SULF1: variants seen among roughly 807,000 people sequenced by gnomAD.
SULF1 encodes sulfatase 1.
A neutral mutation model predicts 110.5 loss-of-function variants in SULF1; 46 were observed. The observed-to-expected ratio is 0.42, with a 90% CI of 0.33 to 0.53. The LOEUF (loss-of-function observed/expected upper bound fraction) is 0.53, where lower values mean the gene tolerates loss of function less well. Among genes scored for constraint, SULF1 ranks in the 20% least tolerant of loss-of-function variants. The pLI is 0.12. For synonymous variants in SULF1, 371 were observed against 387.1 expected (o/e 0.96, Z 0.49); for missense variants, 941 against 1,094.2 (o/e 0.86, Z 1.98).
intron 5 of SULF1, among the ~76,000 whole-genome samples, chr8:69,572,062 C>G (rs1280802309): frequency 6.6e-6 from 1 of 152,222 alleles, no homozygotes; most frequent in Non-Finnish European, 1.5e-5. Context: ...GAGACCATTT[C>G]AGCCTTGAGG....
chr8:69,489,177 T>C (rs1809815576), upstream of SULF1, among the ~76,000 whole-genome samples: 1 of 152,172 alleles, frequency 6.6e-6, no homozygotes, highest in Non-Finnish European at 1.5e-5. Flanking sequence ...TAAACCGACT[T>C]ATATGAGACT....
chr8:69,604,733 A>T, intron 12 of SULF1, 70 bp from the exon 13 acceptor site: 2 of 1,376,486 alleles, frequency 1.5e-6, no homozygotes, highest in Non-Finnish European at 9.8e-7. Flanking sequence ...AAAAAAAAAA[A>T]GGGGGCAGGA....
At position 69,601,807 on chromosome 8, in the gene SULF1, C is replaced by G; in HGVS notation, c.1039C>G (p.Pro347Ala). 6.2e-7 allele frequency: 1 copy of G among 1,611,088 alleles called. No individual in the cohort carries two copies. The highest frequency in any genetic ancestry group is 8.5e-7 in the Non-Finnish European group (1 of 1,178,700). The change falls in exon 10 of 23, where the codon CCA becomes GCA. Residue 347 changes from proline (P) to alanine (A), a missense_variant. By Grantham distance (27) the Pro-to-Ala change is conservative. Coordinates refer to ENST00000402687, the MANE Select transcript of SULF1 (RefSeq NM_001128205.2). ...TCGTGTGCCTTTTTTTATTCGTGGT[C>G]CAAGTGTAGAACCAGGATCAATGTA... Reference protein sequence around the residue: ...DIRVPFFIRGPSVEPGSIVPQ... With the variant: ...DIRVPFFIRGASVEPGSIVPQ...
intron 19 of SULF1, among the ~76,000 whole-genome samples, chr8:69,637,043 T>C (rs933466618): frequency 2.0e-5 from 3 of 152,220 alleles, no homozygotes; most frequent in African/African-American, 7.2e-5. Flanking sequence ...AATGGTTCGT[T>C]GTTGTTGCAT....
chr8:69,618,868 C>A (rs1236759286), intron 13 of SULF1, among the ~76,000 whole-genome samples: 1 of 152,188 alleles, frequency 6.6e-6, no homozygotes, highest in Non-Finnish European at 1.5e-5. Flanking sequence ...GGCTCTGCAT[C>A]TTGGTTCATC....
At chr8:69,597,387 TC>T (rs1384189476) in intron 8 of SULF1, 1 of 152,202 alleles carries the variant, frequency 6.6e-6, no homozygotes, top group Non-Finnish European at 1.5e-5. Flanking sequence ...GCACACTCTG[TC>T]CCTGCTGCCT....
At chr8:69,641,144 G>T (rs938492172) in intron 22 of SULF1, 5 of 284,284 alleles carry the variant, frequency 1.8e-5, no homozygotes, top group Non-Finnish European at 3.2e-5. Flanking sequence ...AATGGCCTTT[G>T]GGAGCCCCGG....
intron 2 of SULF1, among the ~76,000 whole-genome samples, chr8:69,498,685 C>G (rs1306892237): frequency 1.3e-5 from 2 of 151,254 alleles, no homozygotes; most frequent in African/African-American, 4.9e-5. Flanking sequence ...TTTAGCTGAT[C>G]CCAGAGGGGA....
intron 5 of SULF1, among the ~76,000 whole-genome samples, chr8:69,566,981 T>A (rs1412518344): frequency 1.3e-5 from 2 of 152,208 alleles, no homozygotes; most frequent in African/African-American, 2.4e-5. Context: ...GCAAGTAAAT[T>A]GTGAAACCCA....
intron 8 of SULF1, chr8:69,597,200 C>CG (rs1807409180): frequency 6.6e-6 from 1 of 152,202 alleles, no homozygotes; most frequent in Non-Finnish European, 1.5e-5. Flanking sequence ...AACAGAAGGC[C>CG]GCATCTTCGA....
intron 3 of SULF1, among the ~76,000 whole-genome samples, chr8:69,525,023 C>G (rs1812563934): frequency 6.6e-6 from 1 of 152,174 alleles, no homozygotes; most frequent in Non-Finnish European, 1.5e-5. Flanking sequence ...TTTGCATCTT[C>G]TCTTTACTTT....
chr8:69,564,221 A>G, intron 5 of SULF1, 74 bp downstream of exon 5: 3 of 1,550,832 alleles, frequency 1.9e-6, no homozygotes, highest in Middle Eastern at 1.7e-4. Flanking sequence ...TTATCAGGAG[A>G]CATTCTGAGG....
At chr8:69,620,046 G>A (rs2130541283) in intron 13 of SULF1, among the ~76,000 whole-genome samples, 1 of 152,164 alleles carries the variant, frequency 6.6e-6, no homozygotes, top group East Asian at 1.9e-4. Flanking sequence ...GATGAATGCA[G>A]GGTTTTACTG....
rs566433753 is a variant in SULF1 at position 69,579,979 on chromosome 8, G to T, written c.412+3770G>T. 2.6e-5 allele frequency among the ~76,000 whole-genome samples: 4 copies of T among 152,286 alleles called. No homozygotes were observed. The South Asian group carries it at 8.3e-4, about 32-fold the overall frequency. Reference sequence around the variant, plus strand: ...TATCCATCTAGAGAGTAAGTTTTATGTAGAATAACTCAGAGAAAACAAATT... The same window carrying T: ...TATCCATCTAGAGAGTAAGTTTTATTTAGAATAACTCAGAGAAAACAAATT... On this transcript the variant is annotated intron_variant, in intron 6 of 22. Coordinates refer to ENST00000402687, the MANE Select transcript of SULF1 (RefSeq NM_001128205.2).
chr8:69,568,474 A>G (rs1804964749), intron 5 of SULF1, among the ~76,000 whole-genome samples: 1 of 152,222 alleles, frequency 6.6e-6, no homozygotes, highest in South Asian at 2.1e-4. Flanking sequence ...TAAAAGTACT[A>G]GAACCTTGCA....
chr8:69,576,518 A>T (rs145592383), intron 6 of SULF1, among the ~76,000 whole-genome samples: 1 of 152,308 alleles, frequency 6.6e-6, no homozygotes, highest in East Asian at 1.9e-4. Context: ...TAGGTCTCAA[A>T]TGTTCACTTC....
At chr8:69,603,736 ATTTTTGT>A in intron 12 of SULF1, 80 bp downstream of exon 12, 1 of 989,298 alleles carries the variant, frequency 1.0e-6, no homozygotes, top group Non-Finnish European at 1.6e-6. Flanking sequence ...TTTTCTCCTT[ATTTTTGT>A]TTACTAAGCA....
At chr8:69,548,820 C>T (rs1814482985) in intron 3 of SULF1, among the ~76,000 whole-genome samples, 1 of 151,288 alleles carries the variant, frequency 6.6e-6, no homozygotes, top group Non-Finnish European at 1.5e-5. Flanking sequence ...AAAACAGTGA[C>T]ATCATCTGCA....
At chr8:69,494,861 CAA>C (rs1327550830) in intron 1 of SULF1, among the ~76,000 whole-genome samples, 1 of 116,468 alleles carries the variant, frequency 8.6e-6, no homozygotes, top group Non-Finnish European at 1.7e-5. Context: ...GCCTGGGTGA[CAA>C]AGTGAGATCC....
Sources: allele counts gnomAD v4.1 joint callset (sites outside exome capture counted in the v4.1 genomes callset), GRCh38; gene constraint gnomAD v4.1.1; transcripts MANE v1.5; gene names NCBI Gene and HGNC (gene_info 2026-07-23, HGNC 2026-07-21).